The following DST variants were observed in gnomAD, a reference collection of about 807,000 sequenced individuals.
The protein encoded by DST is bullous pemphigoid antigen.
Under a neutral mutation model 875.2 loss-of-function variants are expected in DST, and 253 were observed. The ratio of observed to expected loss-of-function variants is 0.29; its 90% confidence interval spans 0.26 to 0.32. DST has a LOEUF of 0.32. Ranked by LOEUF, DST falls within the 10% of genes least tolerant of loss-of-function variation. The pLI is 1.00. For synonymous variants in DST, 3,124 were observed against 3,197.1 expected (o/e 0.98, Z 0.77); for missense variants, 8,287 against 9,111.6 (o/e 0.91, Z 3.68).
chr6:56,589,469 T>C (rs2098229007), intron 49 of DST, among the ~76,000 whole-genome samples: 1 of 152,178 alleles, frequency 6.6e-6, no homozygotes, highest in South Asian at 2.1e-4. Context: ...AATTAAGACA[T>C]GAAAGAAGGA....
At chr6:56,894,250 G>A (rs1213330727) in intron 3 of DST, among the ~76,000 whole-genome samples, 1 of 39,306 alleles carries the variant, frequency 2.5e-5, no homozygotes, top group African/African-American at 2.0e-4. Context: ...CCGCCCTCCC[G>A]GACGGGGCGG....
chr6:56,615,727 G>A (rs756491319), intron 36 of DST: 17 of 1,613,978 alleles, frequency 1.1e-5, no homozygotes, highest in Non-Finnish European at 1.3e-5. Flanking sequence ...TACCTACTTG[G>A]AGAGCCTCTT....
At chr6:56,559,976 G>C (rs1232807365) in intron 58 of DST, among the ~76,000 whole-genome samples, 1 of 151,908 alleles carries the variant, frequency 6.6e-6, no homozygotes, top group African/African-American at 2.4e-5. Context: ...AATATATAAA[G>C]CATAATAAAG....
At chr6:56,786,090 CTG>C (rs963077439) in intron 4 of DST, among the ~76,000 whole-genome samples, 7 of 152,200 alleles carry the variant, frequency 4.6e-5, no homozygotes, top group East Asian at 1.9e-4. Flanking sequence ...ATGAATAAAA[CTG>C]TGTGTGTTTG....
intron 5 of DST, among the ~76,000 whole-genome samples, chr6:56,720,464 C>A (rs1352267655): frequency 6.6e-6 from 1 of 150,688 alleles, no homozygotes; most frequent in Non-Finnish European, 1.5e-5. Context: ...AACATGTGAA[C>A]AAAGGTCTCT....
intron 4 of DST, among the ~76,000 whole-genome samples, chr6:56,793,586 AT>A (rs1021033516): frequency 2.6e-5 from 4 of 152,300 alleles, no homozygotes; most frequent in South Asian, 2.1e-4. Flanking sequence ...GAAAAACAAG[AT>A]TTTTTTAAAG....
chr6:56,476,467 T>C lies in DST; in HGVS notation c.21676-130A>G, dbSNP rs911402412. 7.9e-6 allele frequency: 6 copies of C among 760,928 alleles called. No homozygotes were observed. The East Asian group carries it at 1.4e-4, about 18-fold the overall frequency. 47.1% of individuals were successfully genotyped at this position (760,928 alleles called of 1,614,324 possible). A position where few individuals can be genotyped will look rare whatever the true frequency, so the allele number is the denominator to read the frequency against. ...CTAGACCCATAATGCTTCTGGTCTTTTTAGATTCCATTAGTGGCATCAAGA... is the reference window on the plus strand; with the variant it reads ...CTAGACCCATAATGCTTCTGGTCTTCTTAGATTCCATTAGTGGCATCAAGA... On this transcript the variant is annotated intron_variant, in intron 91 of 103. Coordinates refer to ENST00000680361, the MANE Select transcript of DST (RefSeq NM_001374736.1).
intron 4 of DST, among the ~76,000 whole-genome samples, chr6:56,806,441 CT>C (rs2099753037): frequency 6.6e-6 from 1 of 152,132 alleles, no homozygotes; most frequent in Admixed American, 6.5e-5. Flanking sequence ...GAAGACTGGA[CT>C]AAATGCAAGG....
intron 65 of DST, 76 bp downstream of exon 65, chr6:56,529,898 A>G: frequency 6.5e-7 from 1 of 1,549,584 alleles, no homozygotes. Context: ...ACAAAACAAT[A>G]GTACATAACT....
intron 4 of DST, among the ~76,000 whole-genome samples, chr6:56,838,768 T>C (rs1416722313): frequency 1.3e-5 from 2 of 152,222 alleles, no homozygotes; most frequent in South Asian, 2.1e-4. Context: ...ATAAACACAA[T>C]TTAATCGTAA....
In DST at chr6:56,880,837, C is replaced by CT. The variant is rs765843469; in HGVS notation, c.417+19583dup. 9.5e-4 allele frequency among the ~76,000 whole-genome samples: 55 copies of CT among 58,072 alleles called. 3 individuals are homozygous for CT. The highest frequency in any genetic ancestry group is 2.6e-3 in the East Asian group (4 of 1,550). The allele number at this position is 58,072 out of a possible 152,430, so 38.1% of individuals were successfully genotyped here. On this transcript the variant is annotated intron_variant, in intron 3 of 103. Transcript: ENST00000680361. Reference sequence around the variant, plus strand: ...CCTAGTAATATAAAATACTGTCTTTCTTTTTTTTTTTTTTTTTTTTTTTTT... The same window carrying CT: ...CCTAGTAATATAAAATACTGTCTTTCTTTTTTTTTTTTTTTTTTTTTTTTTT...
chr6:56,894,616 C>A lies in DST; in HGVS notation c.417+5805G>T, dbSNP rs1387689887. Among the ~76,000 whole-genome samples the A allele has an allele frequency of 9.1e-4, 35 of 38,270 alleles. 2 individuals are homozygous for A. The highest frequency in any genetic ancestry group is 1.8e-4 in the Non-Finnish European group (4 of 21,762). 25.1% of individuals were successfully genotyped at this position (38,270 alleles called of 152,430 possible). ...CCCAGTAGGGGCGGCCGGGCAGAGG[C>A]GCCCCTCACCTCCCGGACGGGGCGG... On this transcript the variant is annotated intron_variant, in intron 3 of 103. Coordinates refer to ENST00000680361, the MANE Select transcript of DST (RefSeq NM_001374736.1).
At chr6:56,656,822 T>G (rs955052577) in intron 10 of DST, among the ~76,000 whole-genome samples, 10 of 152,212 alleles carry the variant, frequency 6.6e-5, no homozygotes, top group African/African-American at 2.4e-4. Context: ...ATAATGATAT[T>G]GGTAACCCCC....
chr6:56,619,079 T>A, intron 36 of DST: 1 of 1,613,968 alleles, frequency 6.2e-7, no homozygotes, highest in Non-Finnish European at 8.5e-7. Flanking sequence ...TTTCGCCAGG[T>A]CTTCTTCTAG....
intron 4 of DST, among the ~76,000 whole-genome samples, chr6:56,803,414 T>G (rs560786327): frequency 6.6e-6 from 1 of 152,336 alleles, no homozygotes; most frequent in African/African-American, 2.4e-5. Flanking sequence ...CTTCAGTTTC[T>G]TAAATGTTAA....
intron 2 of DST, among the ~76,000 whole-genome samples, chr6:56,918,018 C>A (rs1802136680): frequency 6.6e-6 from 1 of 152,112 alleles, no homozygotes; most frequent in Non-Finnish European, 1.5e-5. Context: ...TTCCTATCAT[C>A]TTGACTTCTC....
intron 4 of DST, among the ~76,000 whole-genome samples, chr6:56,738,834 G>C (rs1285074004): frequency 6.6e-6 from 1 of 151,066 alleles, no homozygotes; most frequent in Non-Finnish European, 1.5e-5. Context: ...TGTTGCCCAG[G>C]CTGGTCTTGA....
intron 5 of DST, among the ~76,000 whole-genome samples, chr6:56,709,471 A>T (rs1157052705): frequency 6.6e-6 from 1 of 152,198 alleles, no homozygotes; most frequent in Non-Finnish European, 1.5e-5. Context: ...TTTGAAGAAA[A>T]GAGAATCATT....
chr6:56,801,084 G>A (rs1288586637), intron 4 of DST, among the ~76,000 whole-genome samples: 1 of 148,038 alleles, frequency 6.8e-6, no homozygotes. Context: ...ATTTTAATCT[G>A]TTCGGTTGTC....
Sources: gnomAD v4.1 joint callset for allele counts (sites outside exome capture counted in the v4.1 genomes callset) on GRCh38, gnomAD v4.1.1 for gene constraint, MANE v1.5 for transcripts, NCBI Gene and HGNC (gene_info 2026-07-23, HGNC 2026-07-21) for gene names.